BMP2K: variants seen among roughly 807,000 people sequenced by gnomAD.
BMP2K encodes BMP2 inducible kinase, also known as BMP-2-inducible protein kinase.
A neutral mutation model predicts 116.0 loss-of-function variants in BMP2K; 74 were observed. The ratio of observed to expected loss-of-function variants is 0.64; its 90% confidence interval spans 0.53 to 0.77. The LOEUF is 0.77. Among genes scored for constraint, BMP2K ranks in the 30% least tolerant of loss-of-function variants. The probability of loss-of-function intolerance (pLI) is 0.00; values close to 1 mark genes in which losing one functional copy is unlikely to be tolerated. For missense variants in BMP2K, 1,365 were observed against 1,403.6 expected (o/e 0.97, Z 0.44); for synonymous variants, 486 against 502.5 (o/e 0.97, Z 0.44).
intron 1 of BMP2K, among the ~76,000 whole-genome samples, chr4:78,788,029 T>C (rs1727809270): frequency 6.6e-6 from 1 of 152,164 alleles, no homozygotes; most frequent in Admixed American, 6.5e-5. Context: ...TTCTGAATCA[T>C]AAAGATACTA....
chr4:78,780,627 GA>G (rs577025887), intron 1 of BMP2K, among the ~76,000 whole-genome samples: 123 of 152,036 alleles, frequency 8.1e-4, no homozygotes, highest in Non-Finnish European at 1.3e-3. Flanking sequence ...AGAGAGGATA[GA>G]AAAAAGGGAA....
chr4:78,847,392 A>C (rs2110028880), intron 6 of BMP2K, 123 bp downstream of exon 6: 1 of 465,698 alleles, frequency 2.1e-6, no homozygotes, highest in East Asian at 3.9e-5. Context: ...GATGTACAGT[A>C]GAGCTTCTTA....
In BMP2K at chr4:78,905,003, T is replaced by C. The variant is rs928511574; in HGVS notation, c.2063-5607T>C. 2.6e-5 allele frequency among the ~76,000 whole-genome samples: 4 copies of C among 151,940 alleles called. No individual in the cohort carries two copies. The East Asian group carries it at 7.7e-4, about 29-fold the overall frequency. ...GCTACCTAAAGAAAATTTAACTCTA[T>C]ATTTTTGTATAAATATGTGGAATAT... On this transcript the variant is annotated intron_variant, in intron 15 of 15. Transcript: ENST00000502613.
At chr4:78,870,751 A>G in intron 10 of BMP2K, 32 bp from the exon 11 acceptor site, 2 of 1,578,810 alleles carry the variant, frequency 1.3e-6, no homozygotes, top group African/African-American at 1.4e-5. Context: ...AATCATTAGT[A>G]TGTTAATGTA....
At chr4:78,868,458 T>C (rs1732168234) in intron 10 of BMP2K, among the ~76,000 whole-genome samples, 2 of 152,164 alleles carry the variant, frequency 1.3e-5, no homozygotes, top group African/African-American at 4.8e-5. Context: ...ATTCTACCCC[T>C]GACCCCTCCA....
chr4:78,826,630 G>A (rs1165590948), intron 2 of BMP2K, among the ~76,000 whole-genome samples: 5 of 152,186 alleles, frequency 3.3e-5, no homozygotes, highest in African/African-American at 1.2e-4. Context: ...CTTCTATGGC[G>A]ATTTGGTTCT....
chr4:78,776,488 G>A lies in BMP2K; in HGVS notation c.-56G>A. The A allele has an allele frequency of 9.0e-7, 1 of 1,116,250 alleles. No individual in the cohort carries two copies. The highest frequency in any genetic ancestry group is 1.1e-6 in the Non-Finnish European group (1 of 913,374). 69.1% of individuals were successfully genotyped at this position (1,116,250 alleles called of 1,614,324 possible). ...CCTCGCGGACGCCCGGCTGCGCGCC[G>A]GGCCGGGGACTTGCCCTTGCACGCT... On this transcript the variant is annotated 5_prime_UTR_variant, in exon 1 of 16. Transcript: ENST00000502613.
chr4:78,796,749 TG>T, intron 1 of BMP2K, among the ~76,000 whole-genome samples: 1 of 152,292 alleles, frequency 6.6e-6, no homozygotes, highest in African/African-American at 2.4e-5. Context: ...CGGATGATTG[TG>T]GTCTATATCC....
At chr4:78,847,424 GAA>G (rs1404650889) in intron 6 of BMP2K, among the ~76,000 whole-genome samples, 155 bp downstream of exon 6, 1 of 151,686 alleles carries the variant, frequency 6.6e-6, no homozygotes, top group Non-Finnish European at 1.5e-5. Flanking sequence ...AAAAGTACTA[GAA>G]CATTTTATCT....
At chr4:78,875,233 C>G (rs1289207799) in intron 13 of BMP2K, among the ~76,000 whole-genome samples, 1 of 152,092 alleles carries the variant, frequency 6.6e-6, no homozygotes, top group Non-Finnish European at 1.5e-5. Flanking sequence ...CTGCTTATGA[C>G]AAAGTCAGTG....
At chr4:78,810,394 T>C (rs189290959) in intron 1 of BMP2K, among the ~76,000 whole-genome samples, 176 of 152,350 alleles carry the variant, frequency 1.2e-3, no homozygotes, top group African/African-American at 4.1e-3. Context: ...CCCCTGTAGA[T>C]ATCTCATTCC....
intron 15 of BMP2K, among the ~76,000 whole-genome samples, chr4:78,904,224 G>C (rs1734169181): frequency 6.6e-6 from 1 of 151,886 alleles, no homozygotes; most frequent in South Asian, 2.1e-4. Context: ...TGGTTAATAA[G>C]ATTGAAGAGA....
intron 1 of BMP2K, among the ~76,000 whole-genome samples, chr4:78,781,628 G>A (rs1484852564): frequency 2.0e-5 from 3 of 152,150 alleles, no homozygotes; most frequent in African/African-American, 7.2e-5. Flanking sequence ...CCTGGGAGAG[G>A]ATGGATGTAG....
At chr4:78,855,716 T>C (rs1731476870) in intron 7 of BMP2K, among the ~76,000 whole-genome samples, 1 of 152,218 alleles carries the variant, frequency 6.6e-6, no homozygotes, top group Non-Finnish European at 1.5e-5. Context: ...GTTGTAGTTT[T>C]AGTCTTATAC....
At chr4:78,786,170 G>T (rs138070222) in intron 1 of BMP2K, among the ~76,000 whole-genome samples, 1 of 152,114 alleles carries the variant, frequency 6.6e-6, no homozygotes, top group Non-Finnish European at 1.5e-5. Context: ...GCTATTTAGT[G>T]ATGGGGCCCT....
intron 7 of BMP2K, among the ~76,000 whole-genome samples, chr4:78,858,277 A>G (rs1483176054): frequency 6.6e-6 from 1 of 151,988 alleles, no homozygotes; most frequent in African/African-American, 2.4e-5. Flanking sequence ...AACATTTAAT[A>G]TCTGTTGGTA....
intron 15 of BMP2K, among the ~76,000 whole-genome samples, chr4:78,907,559 A>G (rs1289166190): frequency 6.6e-6 from 1 of 152,206 alleles, no homozygotes; most frequent in South Asian, 2.1e-4. Flanking sequence ...ACTTTTGCAT[A>G]GTTGGTTTTA....
intron 8 of BMP2K, among the ~76,000 whole-genome samples, chr4:78,861,101 C>G (rs113797975): frequency 2.9e-4 from 44 of 151,710 alleles, no homozygotes; most frequent in African/African-American, 1.0e-3. Flanking sequence ...TATAATCTTT[C>G]TTTTTACTCA....
At chr4:78,807,232 G>A (rs931200465) in intron 1 of BMP2K, among the ~76,000 whole-genome samples, 2 of 151,982 alleles carry the variant, frequency 1.3e-5, no homozygotes, top group African/African-American at 4.8e-5. Flanking sequence ...CTTTTAATAC[G>A]TTTTATTACA....
Sources: gnomAD v4.1 joint callset for allele counts (sites outside exome capture counted in the v4.1 genomes callset) on GRCh38, gnomAD v4.1.1 for gene constraint, MANE v1.5 for transcripts, NCBI Gene and HGNC (gene_info 2026-07-23, HGNC 2026-07-21) for gene names.